Variants in FAM171A1 observed in about 807,000 individuals in gnomAD.
FAM171A1 encodes family with sequence similarity 171 member A1, also known as protein FAM171A1.
FAM171A1 carries 23 observed loss-of-function variants against 74.9 expected under a neutral mutation model. That is an observed-to-expected ratio of 0.31 (90% CI 0.22 to 0.44). FAM171A1 has a LOEUF of 0.44. Ranked by LOEUF, FAM171A1 falls within the 20% of genes least tolerant of loss-of-function variation. The pLI is 1.00. For synonymous variants in FAM171A1, 527 were observed against 505.7 expected (o/e 1.04, Z -0.57); for missense variants, 1,162 against 1,159.2 (o/e 1.00, Z -0.03).
At chr10:15,339,178 A>C (rs1835735889) in intron 1 of FAM171A1, among the ~76,000 whole-genome samples, 1 of 152,234 alleles carries the variant, frequency 6.6e-6, no homozygotes, top group African/African-American at 2.4e-5. Flanking sequence ...GATTTACAAA[A>C]AAACTGCAGA....
At position 15,213,473 on chromosome 10, in the gene FAM171A1, G is replaced by C; in HGVS notation, c.2115C>G (p.Pro705=). 6.2e-7 allele frequency: 1 copy of C among 1,614,154 alleles called. No individual in the cohort carries two copies. Among genetic ancestry groups the C allele is most frequent in the Non-Finnish European group, 8.5e-7 (1 of 1,180,044 alleles). The change falls in exon 8 of 8, where the codon CCC becomes CCG. Residue 705 remains proline, a synonymous_variant. Coordinates refer to ENST00000378116, the MANE Select transcript of FAM171A1 (RefSeq NM_001010924.2). This position sits in a 1 kb window ranked among gnomAD's most constrained non-coding sequence, Gnocchi z 6.8. ...CATCCAAGGAGACGAACCACGCCCG[G>C]GGGTGCGGAAGCGGCTTCCCACCCC... ...ELGGGKPLPH[P]RAWFVSLDGR...
intron 1 of FAM171A1, 140 bp from the exon 2 acceptor site, chr10:15,284,245 A>T: frequency 1.3e-6 from 1 of 741,318 alleles, no homozygotes; most frequent in Non-Finnish European, 2.2e-6. Flanking sequence ...AGTTTTTACC[A>T]GAGACATTTT....
chr10:15,343,344 G>A (rs1446793783), intron 1 of FAM171A1, among the ~76,000 whole-genome samples: 2 of 152,230 alleles, frequency 1.3e-5, no homozygotes, highest in Non-Finnish European at 2.9e-5. Flanking sequence ...AGGACCAGAT[G>A]AGTGAGTGGC....
chr10:15,239,951 T>A lies in FAM171A1; in HGVS notation c.754+8688A>T, dbSNP rs916197106. Among the ~76,000 whole-genome samples, 3 of 152,276 alleles carry A rather than the reference T, an allele frequency of 2.0e-5. No individual in the cohort carries two copies. The South Asian group carries it at 6.2e-4, about 31-fold the overall frequency. On this transcript the variant is annotated intron_variant, in intron 5 of 7. Coordinates refer to ENST00000378116, the MANE Select transcript of FAM171A1 (RefSeq NM_001010924.2). The stretch of plus-strand genomic sequence containing the variant: ...CTCCAGTGAGCATTGCCTTTGGGCA[T>A]GACCTTTGAGTATCATGATGGACCT...
chr10:15,262,981 G>A lies in FAM171A1; in HGVS notation c.419-8102C>T, dbSNP rs560377338. 1.7e-4 allele frequency among the ~76,000 whole-genome samples: 26 copies of A among 152,296 alleles called. 1 individual carries two copies. Among genetic ancestry groups the A allele is most frequent in the Admixed American group, 1.3e-3 (20 of 15,300 alleles). ...GCCACCAGGGCCCTCCTGGGAGGAC[G>A]GCATGCAGGTGGGGCGAGGGGCATA... On this transcript the variant is annotated intron_variant, in intron 3 of 7. Transcript: ENST00000378116.
chr10:15,358,860 A>C (rs1424367555), intron 1 of FAM171A1, among the ~76,000 whole-genome samples: 11 of 152,210 alleles, frequency 7.2e-5, no homozygotes, highest in Non-Finnish European at 2.9e-5. Context: ...CATTGTGTGA[A>C]ATTATAATAT....
rs561185918 is a variant in FAM171A1, at chr10:15,286,169, A to G, written c.98-2064T>C. On this transcript the variant is annotated intron_variant, in intron 1 of 7. Transcript: ENST00000378116. ...AATCATGATGCTTGTAAACATTCCAACATGGTGCTTGGGGATACCAGATTT... is the reference window on the plus strand; with the variant it reads ...AATCATGATGCTTGTAAACATTCCAGCATGGTGCTTGGGGATACCAGATTT... Among the ~76,000 whole-genome samples, 5 of 152,318 alleles carry G rather than the reference A, an allele frequency of 3.3e-5. No homozygotes were observed. The East Asian group carries it at 9.6e-4, about 29-fold the overall frequency.
intron 1 of FAM171A1, among the ~76,000 whole-genome samples, chr10:15,316,110 CCCTTT>C (rs1564275689): frequency 2.0e-5 from 3 of 152,178 alleles, no homozygotes. Context: ...GGATAACTTA[CCCTTT>C]CATCTTACAG....
At chr10:15,225,792 C>T (rs1238303456) in intron 5 of FAM171A1, among the ~76,000 whole-genome samples, 2 of 152,126 alleles carry the variant, frequency 1.3e-5, no homozygotes, top group Non-Finnish European at 1.5e-5. Context: ...TCCTGCTGCA[C>T]GAACCAAAGA....
At chr10:15,219,224 A>G (rs1834005357) in intron 6 of FAM171A1, among the ~76,000 whole-genome samples, 1 of 152,102 alleles carries the variant, frequency 6.6e-6, no homozygotes, top group Non-Finnish European at 1.5e-5. Flanking sequence ...GGAGGTGGCC[A>G]TGAGCTGAGA....
At chr10:15,234,731 C>A (rs1834259614) in intron 5 of FAM171A1, among the ~76,000 whole-genome samples, 1 of 151,886 alleles carries the variant, frequency 6.6e-6, no homozygotes, top group Non-Finnish European at 1.5e-5. Context: ...TGGCTCACTG[C>A]AAGCTCTGCC....
chr10:15,263,548 G>A (rs1261063034), intron 3 of FAM171A1, among the ~76,000 whole-genome samples: 1 of 152,152 alleles, frequency 6.6e-6, no homozygotes, highest in Non-Finnish European at 1.5e-5. Flanking sequence ...TAGTCTACGT[G>A]GGGGAATATC....
intron 1 of FAM171A1, among the ~76,000 whole-genome samples, chr10:15,287,146 C>T (rs538797882): frequency 6.9e-6 from 1 of 144,126 alleles, no homozygotes; most frequent in South Asian, 2.2e-4. Context: ...GGCTAGAGTG[C>T]AGTGGTGCGA....
chr10:15,284,953 G>A (rs1835018265), intron 1 of FAM171A1, among the ~76,000 whole-genome samples: 2 of 150,724 alleles, frequency 1.3e-5, no homozygotes. Context: ...AAAAGCAAAC[G>A]TTTGAAAAGA....
At chr10:15,323,050 G>T (rs1200665215) in intron 1 of FAM171A1, among the ~76,000 whole-genome samples, 1 of 150,874 alleles carries the variant, frequency 6.6e-6, no homozygotes, top group African/African-American at 2.4e-5. Context: ...TGAGGCATGA[G>T]AATTGCTTGA....
intron 1 of FAM171A1, among the ~76,000 whole-genome samples, chr10:15,312,588 G>A (rs1457379845): frequency 6.7e-6 from 1 of 148,798 alleles, no homozygotes; most frequent in African/African-American, 2.5e-5. Context: ...GAGGTGCCCG[G>A]CTGCAAACTG....
chr10:15,307,208 T>C (rs917513137), intron 1 of FAM171A1, among the ~76,000 whole-genome samples: 1 of 152,134 alleles, frequency 6.6e-6, no homozygotes, highest in African/African-American at 2.4e-5. Context: ...TCCCATTTGC[T>C]TGCAGGGTGC....
chr10:15,296,515 GT>G (rs1835162918), intron 1 of FAM171A1, among the ~76,000 whole-genome samples: 3 of 152,150 alleles, frequency 2.0e-5, no homozygotes, highest in African/African-American at 4.8e-5. Flanking sequence ...ACAACATTCA[GT>G]TTGATGTTCC....
intron 1 of FAM171A1, among the ~76,000 whole-genome samples, chr10:15,299,835 G>A (rs1401399853): frequency 2.6e-5 from 4 of 151,954 alleles, no homozygotes. Flanking sequence ...AAAATTAGAC[G>A]GGCGTGGTGG....
Sources: gnomAD v4.1 joint callset for allele counts (sites outside exome capture counted in the v4.1 genomes callset) on GRCh38, gnomAD v4.1.1 for gene constraint, Gnocchi (gnomAD v3.1) non-coding constraint, MANE v1.5 for transcripts, NCBI Gene and HGNC (gene_info 2026-07-23, HGNC 2026-07-21) for gene names.